PTPRD: variants seen among roughly 807,000 people sequenced by gnomAD.
The protein encoded by PTPRD is protein tyrosine phosphatase receptor type D.
PTPRD carries 34 observed loss-of-function variants against 214.5 expected under a neutral mutation model. That is an observed-to-expected ratio of 0.16 (90% CI 0.12 to 0.21). The LOEUF is 0.21. PTPRD is among the 10% of genes least tolerant of loss of function. The probability of loss-of-function intolerance (pLI) is 1.00; values close to 1 mark genes in which losing one functional copy is unlikely to be tolerated. For missense variants in PTPRD, 2,545 were observed against 2,398.7 expected, an observed-to-expected ratio of 1.06 and a Z score of -1.27; for synonymous variants, 1,128 against 845.7, an observed-to-expected ratio of 1.33 and a Z score of -5.79.
chr9:9,017,637 C>T (rs1212678868), intron 11 of PTPRD, among the ~76,000 whole-genome samples: 4 of 152,034 alleles, frequency 2.6e-5, no homozygotes, highest in Non-Finnish European at 5.9e-5. Context: ...TGAAATAAAT[C>T]AAGAAACATT....
intron 5 of PTPRD, among the ~76,000 whole-genome samples, chr9:9,916,205 C>A (rs2080755833): frequency 6.6e-6 from 1 of 151,782 alleles, no homozygotes; most frequent in African/African-American, 2.4e-5. Context: ...TTACTACTAG[C>A]CAGTCTTACA....
chr9:10,247,496 A>T (rs905214292), intron 3 of PTPRD, among the ~76,000 whole-genome samples: 4 of 152,190 alleles, frequency 2.6e-5, no homozygotes, highest in Non-Finnish European at 5.9e-5. Context: ...TAATTTACAC[A>T]CACATTACCA....
intron 11 of PTPRD, among the ~76,000 whole-genome samples, chr9:9,002,138 T>C (rs2099424704): frequency 1.3e-5 from 2 of 152,034 alleles, no homozygotes; most frequent in Admixed American, 1.3e-4. Flanking sequence ...GCCTGATTCA[T>C]AATACCTTAT....
chr9:9,781,165 G>A (rs988479054), intron 5 of PTPRD, among the ~76,000 whole-genome samples: 1 of 152,092 alleles, frequency 6.6e-6, no homozygotes, highest in African/African-American at 2.4e-5. Flanking sequence ...AGTGAGCCCA[G>A]ATGTAAGCTA....
intron 10 of PTPRD, among the ~76,000 whole-genome samples, chr9:9,126,312 A>G (rs953952317): frequency 4.6e-5 from 7 of 152,242 alleles, no homozygotes; most frequent in Non-Finnish European, 1.0e-4. Flanking sequence ...GCATTTATCA[A>G]TCAGAAAAGT....
At chr9:10,309,138 C>G (rs146501515) in intron 3 of PTPRD, among the ~76,000 whole-genome samples, 354 of 152,132 alleles carry the variant, frequency 2.3e-3, no homozygotes, top group African/African-American at 8.1e-3. Context: ...CAAATGTACT[C>G]AGAGATGACG....
chr9:8,812,991 G>A (rs2096842643), intron 11 of PTPRD, among the ~76,000 whole-genome samples: 1 of 152,016 alleles, frequency 6.6e-6, no homozygotes, highest in Non-Finnish European at 1.5e-5. Context: ...CAAAGCTTTT[G>A]CTTCCGCTCC....
intron 10 of PTPRD, among the ~76,000 whole-genome samples, chr9:9,077,376 T>C (rs1440432105): frequency 2.5e-5 from 1 of 40,030 alleles, no homozygotes; most frequent in Non-Finnish European, 6.6e-5. Context: ...TTCAGGTGAC[T>C]GAAAATGTTA....
chr9:9,314,016 G>A (rs976492107), intron 9 of PTPRD, among the ~76,000 whole-genome samples: 5 of 152,156 alleles, frequency 3.3e-5, no homozygotes, highest in African/African-American at 1.2e-4. Context: ...GAGCAAAGAA[G>A]CTGTTTTACT....
intron 10 of PTPRD, among the ~76,000 whole-genome samples, chr9:9,053,610 G>C (rs947016404): frequency 1.3e-5 from 2 of 152,046 alleles, no homozygotes; most frequent in African/African-American, 4.8e-5. Context: ...TTGACTTCTT[G>C]ACTCCAGAAC....
intron 11 of PTPRD, among the ~76,000 whole-genome samples, chr9:8,857,946 TCCTCCG>T (rs2097972847): frequency 1.6e-5 from 1 of 61,842 alleles, no homozygotes; most frequent in Non-Finnish European, 3.1e-5. Flanking sequence ...CTTTTCCTCC[TCCTCCG>T]CCTCCTCCTC....
chr9:8,367,956 T>A lies in PTPRD; in HGVS notation c.4661+7980A>T, dbSNP rs142998972. 9.6e-4 allele frequency among the ~76,000 whole-genome samples: 146 copies of A among 152,306 alleles called. 1 individual carries two copies. Among genetic ancestry groups the A allele is most frequent in the African/African-American group, 3.3e-3 (139 of 41,570 alleles). On this transcript the variant is annotated intron_variant, in intron 39 of 45. Transcript: ENST00000381196. Reference sequence around the variant, plus strand: ...GAAATTGAGTCTTAGAAAGATTGTTTAATGTGCTCGAGGTCACAGATGCAG... The same window carrying A: ...GAAATTGAGTCTTAGAAAGATTGTTAAATGTGCTCGAGGTCACAGATGCAG...
chr9:8,359,727 G>A (rs899739299), intron 39 of PTPRD, among the ~76,000 whole-genome samples: 1 of 152,124 alleles, frequency 6.6e-6, no homozygotes, highest in Admixed American at 6.5e-5. Context: ...TTTTACAGGT[G>A]GAGAGACTCA....
rs369686972 is a variant in PTPRD, at chr9:10,060,897, CTTCTTTCTTTCTTTCTTTCTTTCTTTCT to C, written c.-544-27135_-544-27108del. Among the ~76,000 whole-genome samples the C allele has an allele frequency of 2.3e-4, 16 of 70,582 alleles. No homozygotes were observed. The East Asian group carries it at 3.9e-3, about 17-fold the overall frequency. 46.3% of individuals were successfully genotyped at this position (70,582 alleles called of 152,430 possible). A position where few individuals can be genotyped will look rare whatever the true frequency, so the allele number is the denominator to read the frequency against. Reference sequence around the variant, plus strand: ...CCTTCCTTCCTTCCTTCCTTCCTTCCTTCTTTCTTTCTTTCTTTCTTTCTTTCTTTCTTTCTTTCTTTCTTTCTTTCTT... The same window carrying C: ...CCTTCCTTCCTTCCTTCCTTCCTTCCTTCTTTCTTTCTTTCTTTCTTTCTT... On this transcript the variant is annotated intron_variant, in intron 3 of 45. Coordinates refer to ENST00000381196, the MANE Select transcript of PTPRD (RefSeq NM_002839.4).
chr9:9,507,427 C>G (rs1590160041), intron 8 of PTPRD, among the ~76,000 whole-genome samples: 1 of 150,576 alleles, frequency 6.6e-6, no homozygotes, highest in East Asian at 2.0e-4. Flanking sequence ...GTACTAAGAA[C>G]AAAATATAAT....
intron 3 of PTPRD, among the ~76,000 whole-genome samples, chr9:10,087,476 G>C (rs2098363366): frequency 6.6e-6 from 1 of 151,664 alleles, no homozygotes; most frequent in African/African-American, 2.4e-5. Context: ...TCAGAGTGTA[G>C]TTTATCCATT....
At chr9:9,580,670 T>C (rs961997959) in intron 7 of PTPRD, among the ~76,000 whole-genome samples, 3 of 149,682 alleles carry the variant, frequency 2.0e-5, no homozygotes, top group African/African-American at 7.3e-5. Flanking sequence ...TGCCTCAGCC[T>C]CCTGAATAGC....
chr9:9,650,511 T>A (rs1259595617), intron 7 of PTPRD, among the ~76,000 whole-genome samples: 1 of 152,182 alleles, frequency 6.6e-6, no homozygotes, highest in East Asian at 1.9e-4. Context: ...GATAATGCCC[T>A]GAAATTTTCT....
At chr9:9,461,766 A>T (rs778370154) in intron 8 of PTPRD, among the ~76,000 whole-genome samples, 1 of 152,144 alleles carries the variant, frequency 6.6e-6, no homozygotes, top group Non-Finnish European at 1.5e-5. Flanking sequence ...CCAGACCTAG[A>T]GTGAAGGCAT....
Sources: allele counts gnomAD v4.1 joint callset (sites outside exome capture counted in the v4.1 genomes callset), GRCh38; gene constraint gnomAD v4.1.1; transcripts MANE v1.5; gene names NCBI Gene and HGNC (gene_info 2026-07-23, HGNC 2026-07-21).